PHTF1: variants seen among roughly 807,000 people sequenced by gnomAD.
PHTF1 encodes the protein putative homeodomain transcription factor 1, also known as protein PHTF1.
A neutral mutation model predicts 102.4 loss-of-function variants in PHTF1; 88 were observed. That is an observed-to-expected ratio of 0.86 (90% CI 0.72 to 1.03). The LOEUF (loss-of-function observed/expected upper bound fraction) is 1.03, where lower values mean the gene tolerates loss of function less well. Ranked by LOEUF, PHTF1 falls within the 50% of genes least tolerant of loss-of-function variation. PHTF1 has a pLI of 0.00. For synonymous variants in PHTF1, 289 were observed against 305.2 expected, an observed-to-expected ratio of 0.95 and a Z score of 0.55; for missense variants, 814 against 909.5, an observed-to-expected ratio of 0.89 and a Z score of 1.35.
Position 113,706,057 on chromosome 1 carries a change from G to A in PHTF1, c.1504C>T (p.Leu502Phe). 6.2e-7 allele frequency: 1 copy of A among 1,614,112 alleles called. No homozygotes were observed. Among genetic ancestry groups the A allele is most frequent in the Non-Finnish European group, 8.5e-7 (1 of 1,179,986 alleles). Residue 502 changes from leucine (L) to phenylalanine (F), a missense_variant, in exon 13 of 19, where the codon CTT becomes TTT. Leu to Phe is a conservative substitution (Grantham distance 22). Coordinates refer to ENST00000369604, the MANE Select transcript of PHTF1 (RefSeq NM_001323043.2). ...GCTGAAATGGACTTTAGTTGGTCAA[G>A]GCTCTTCTCACGGAAAAGTCGATGT... ...FLHRLFREKS[L>F]DQLKSISAEE...
At chr1:113,704,905 T>G (rs769845184) in intron 13 of PHTF1, 108 bp from the exon 14 acceptor site, 46 of 815,552 alleles carry the variant, frequency 5.6e-5, no homozygotes, top group Non-Finnish European at 7.9e-5. Flanking sequence ...AAGAATGAAG[T>G]TCTAATCAGT....
chr1:113,718,561 C>T (rs1316996819), intron 7 of PHTF1, among the ~76,000 whole-genome samples: 1 of 152,270 alleles, frequency 6.6e-6, no homozygotes, highest in Non-Finnish European at 1.5e-5. Context: ...TCCATGAGTG[C>T]CCTGCCCCTG....
intron 7 of PHTF1, among the ~76,000 whole-genome samples, chr1:113,720,833 C>T (rs961319136): frequency 3.3e-5 from 5 of 152,232 alleles, no homozygotes; most frequent in African/African-American, 4.8e-5. Context: ...TGCCCTGCCC[C>T]GGCAGCAAAC....
intron 5 of PHTF1, among the ~76,000 whole-genome samples, chr1:113,727,000 C>A (rs1338341055): frequency 6.6e-6 from 1 of 151,602 alleles, no homozygotes. Flanking sequence ...TGCTATGTTG[C>A]CTTTCCATTT....
In PHTF1 at chr1:113,700,903, T is replaced by G. The variant is rs1341410891; in HGVS notation, c.1937A>C (p.Glu646Ala). The G allele has an allele frequency of 1.2e-6, 2 of 1,612,876 alleles. No homozygotes were observed. Among genetic ancestry groups the G allele is most frequent in the East Asian group, 2.2e-5 (1 of 44,868 alleles). The change falls in exon 16 of 19, where the codon GAG becomes GCG. Residue 646 changes from glutamate to alanine, a missense_variant. Coordinates refer to ENST00000369604, the MANE Select transcript of PHTF1 (RefSeq NM_001323043.2). ...TAAAGCTGTTTCCCAGATCAAAAACTCCCAGTTATAAGCATCATTCAGGAA... is the reference window on the plus strand; with the variant it reads ...TAAAGCTGTTTCCCAGATCAAAAACGCCCAGTTATAAGCATCATTCAGGAA... ...KTFLNDAYNW[E>A]FLIWETALLL...
chr1:113,739,838 G>A (rs1051858614), intron 3 of PHTF1, among the ~76,000 whole-genome samples: 4 of 152,052 alleles, frequency 2.6e-5, no homozygotes, highest in South Asian at 2.1e-4. Context: ...AGTATTTATC[G>A]TTCTGTGCCT....
chr1:113,742,965 T>G (rs938843560), intron 3 of PHTF1, among the ~76,000 whole-genome samples: 2 of 151,176 alleles, frequency 1.3e-5, no homozygotes, highest in African/African-American at 4.9e-5. Flanking sequence ...TCCCAAGGAG[T>G]TTTTTGTTGT....
At chr1:113,713,143 T>C in intron 8 of PHTF1, 136 bp downstream of exon 8, 1 of 741,828 alleles carries the variant, frequency 1.3e-6, no homozygotes, top group South Asian at 1.6e-5. Flanking sequence ...GGTATCTTCT[T>C]TTCATATCCT....
chr1:113,712,075 G>A lies in PHTF1; in HGVS notation c.822C>T (p.Asp274=). 6.2e-7 allele frequency: 1 copy of A among 1,613,876 alleles called. No individual in the cohort carries two copies. The highest frequency in any genetic ancestry group is 8.5e-7 in the Non-Finnish European group (1 of 1,179,942). The change falls in exon 9 of 19, where the codon GAC becomes GAT. Residue 274 remains aspartate, a synonymous_variant. Transcript: ENST00000369604. ...FRRLGNGVSD[D]LSSEEDGEAR... Reference sequence around the variant, plus strand: ...CTTCACCATCTTCTTCACTTGACAGGTCATCAGACACCCCATTACCCAAAC... The same window carrying A: ...CTTCACCATCTTCTTCACTTGACAGATCATCAGACACCCCATTACCCAAAC...
intron 3 of PHTF1, among the ~76,000 whole-genome samples, chr1:113,739,492 C>A (rs186290512): frequency 2.0e-5 from 3 of 152,156 alleles, no homozygotes; most frequent in Non-Finnish European, 4.4e-5. Flanking sequence ...ATATTTATGG[C>A]GTAGAATGTG....
Position 113,697,473 on chromosome 1 carries a change from A to T in PHTF1, c.*232T>A. 2.2e-6 allele frequency: 1 copy of T among 459,902 alleles called. No individual in the cohort carries two copies. Among genetic ancestry groups the T allele is most frequent in the Non-Finnish European group, 3.9e-6 (1 of 253,284 alleles). The allele number at this position is 459,902 out of a possible 1,614,324, so 28.5% of individuals were successfully genotyped here. A position where few individuals can be genotyped will look rare whatever the true frequency, so the allele number is the denominator to read the frequency against. ...ACCACAACACACACAGTCTTTAGTCAGCTGACTATTCATGTTGTTTGAAAA... is the reference window on the plus strand; with the variant it reads ...ACCACAACACACACAGTCTTTAGTCTGCTGACTATTCATGTTGTTTGAAAA... On this transcript the variant is annotated 3_prime_UTR_variant, in exon 19 of 19. Transcript: ENST00000369604.
At chr1:113,706,557 T>C in intron 12 of PHTF1, 37 bp downstream of exon 12, 1 of 1,545,140 alleles carries the variant, frequency 6.5e-7, no homozygotes, top group Non-Finnish European at 8.7e-7. Flanking sequence ...TCACTTCGTA[T>C]ATTTTTTGAA....
chr1:113,734,183 C>T (rs1655133400), intron 5 of PHTF1, among the ~76,000 whole-genome samples: 1 of 152,134 alleles, frequency 6.6e-6, no homozygotes, highest in Admixed American at 6.6e-5. Flanking sequence ...TCACTTGAAC[C>T]TGGGAGGCGG....
At chr1:113,724,725 C>T (rs1230640) in intron 7 of PHTF1, 34 bp downstream of exon 7, 1,149,334 of 1,545,318 alleles carry the variant, frequency 0.74, 433,088 homozygotes, top group African/African-American at 0.91. Flanking sequence ...GTAAACACTA[C>T]GTGAATACAA....
chr1:113,757,033 G>A (rs1441064000), intron 3 of PHTF1, among the ~76,000 whole-genome samples: 1 of 152,166 alleles, frequency 6.6e-6, no homozygotes, highest in Non-Finnish European at 1.5e-5. Flanking sequence ...CGGGCGTGGT[G>A]GTGGGCGCCT....
intron 3 of PHTF1, 77 bp downstream of exon 3, chr1:113,757,622 A>C: frequency 1.1e-6 from 1 of 917,470 alleles, no homozygotes; most frequent in South Asian, 1.3e-5. Flanking sequence ...TTAAATGCAG[A>C]GTTTACCAGG....
At chr1:113,737,174 G>A (rs1473502748) in intron 5 of PHTF1, among the ~76,000 whole-genome samples, 1 of 152,162 alleles carries the variant, frequency 6.6e-6, no homozygotes, top group Non-Finnish European at 1.5e-5. Flanking sequence ...GAGAGTTGAT[G>A]GTAGGGTAGA....
Position 113,699,995 on chromosome 1 carries a change from T to C in PHTF1, c.2047-196A>G, listed in dbSNP as rs1030609814. 10 of 874,404 alleles carry C rather than the reference T, an allele frequency of 1.1e-5. No individual in the cohort carries two copies. The Admixed American group carries it at 1.6e-4, about 14-fold the overall frequency. 54.2% of individuals were successfully genotyped at this position (874,404 alleles called of 1,614,324 possible). ...GTCTCCCTCTGGCAAAGAAAAACTA[T>C]TTAGTGATGAAAAATTAATGATGAA... On this transcript the variant is annotated intron_variant, in intron 16 of 18. Coordinates refer to ENST00000369604, the MANE Select transcript of PHTF1 (RefSeq NM_001323043.2).
chr1:113,752,733 T>C (rs1273266996), intron 3 of PHTF1, among the ~76,000 whole-genome samples: 6 of 152,240 alleles, frequency 3.9e-5, no homozygotes. Flanking sequence ...TATGGGATTA[T>C]GCTGTCATGA....
Sources: allele counts gnomAD v4.1 joint callset (sites outside exome capture counted in the v4.1 genomes callset), GRCh38; gene constraint gnomAD v4.1.1; transcripts MANE v1.5; gene names NCBI Gene and HGNC (gene_info 2026-07-23, HGNC 2026-07-21).